SLC9A9: variants seen among roughly 807,000 people sequenced by gnomAD.
SLC9A9 encodes the protein solute carrier family 9 member A9, also known as sodium/hydrogen exchanger 9.
A neutral mutation model predicts 77.8 loss-of-function variants in SLC9A9; 62 were observed. The ratio of observed to expected loss-of-function variants is 0.80; its 90% CI spans 0.65 to 0.98. The LOEUF is 0.98. Among genes scored for constraint, SLC9A9 ranks in the 50% least tolerant of loss-of-function variants. The pLI is 0.00. For missense variants in SLC9A9, 775 were observed against 774.9 expected (o/e 1.00, Z 0.00); for synonymous variants, 320 against 283.5 (o/e 1.13, Z -1.29).
At chr3:143,490,411 AAACC>A (rs139571602) in intron 11 of SLC9A9, among the ~76,000 whole-genome samples, 67,895 of 151,672 alleles carry the variant, frequency 0.45, 16,480 homozygotes, top group Non-Finnish European at 0.54. Flanking sequence ...TAAGTGAAAT[AAACC>A]AATCACAAAA....
intron 14 of SLC9A9, among the ~76,000 whole-genome samples, chr3:143,292,855 A>G (rs539961842): frequency 1.3e-5 from 2 of 152,206 alleles, no homozygotes; most frequent in East Asian, 3.9e-4. Context: ...CGTTGATGAC[A>G]CTGTTCTGGC....
chr3:143,283,429 C>G (rs1463281490), intron 14 of SLC9A9, among the ~76,000 whole-genome samples: 3 of 152,188 alleles, frequency 2.0e-5, no homozygotes. Context: ...CTCACTCCCC[C>G]TGGAAAGCCC....
At chr3:143,420,462 T>A (rs1288882479) in intron 12 of SLC9A9, among the ~76,000 whole-genome samples, 1 of 152,160 alleles carries the variant, frequency 6.6e-6, no homozygotes, top group Non-Finnish European at 1.5e-5. Flanking sequence ...CTTGGGAATA[T>A]CAGAAAGGGT....
At chr3:143,716,382 T>G (rs979049134) in intron 4 of SLC9A9, among the ~76,000 whole-genome samples, 1 of 119,246 alleles carries the variant, frequency 8.4e-6, no homozygotes, top group African/African-American at 3.2e-5. Context: ...CTTTTTTTTA[T>G]GTCAGTATTT....
chr3:143,567,653 G>A (rs2037189438), intron 8 of SLC9A9, among the ~76,000 whole-genome samples: 1 of 152,178 alleles, frequency 6.6e-6, no homozygotes, highest in African/African-American at 2.4e-5. Context: ...AAGAGACTGA[G>A]ATGAGGTGGC....
At chr3:143,340,876 T>C (rs1166672229) in intron 14 of SLC9A9, among the ~76,000 whole-genome samples, 1 of 152,182 alleles carries the variant, frequency 6.6e-6, no homozygotes, top group African/African-American at 2.4e-5. Flanking sequence ...AAAAGAGAGA[T>C]TGGAAATCTA....
chr3:143,587,422 CAA>C (rs2037561238), intron 6 of SLC9A9, among the ~76,000 whole-genome samples: 1 of 152,224 alleles, frequency 6.6e-6, no homozygotes, highest in South Asian at 2.1e-4. Context: ...GCTTCTCTGA[CAA>C]AGATTATTAA....
At chr3:143,267,197 T>G (rs1021838962) in intron 15 of SLC9A9, among the ~76,000 whole-genome samples, 7 of 152,104 alleles carry the variant, frequency 4.6e-5, no homozygotes, top group Non-Finnish European at 8.8e-5. Flanking sequence ...CTCTTTGGGT[T>G]AAGGATGTTT....
rs138480966 is a variant in SLC9A9 at position 143,668,421 on chromosome 3, G to T, written c.650-16061C>A. Among the ~76,000 whole-genome samples, 659 of 152,104 alleles carry T rather than the reference G, an allele frequency of 4.3e-3. 4 individuals carry two copies. The highest frequency in any genetic ancestry group is 0.015 in the African/African-American group (602 of 41,504). Reference sequence around the variant, plus strand: ...GGTGCAGCACACCAACATGGCGCATGTATACATATTTAACAATCCTGCACG... The same window carrying T: ...GGTGCAGCACACCAACATGGCGCATTTATACATATTTAACAATCCTGCACG... On this transcript the variant is annotated intron_variant, in intron 5 of 15. Coordinates refer to ENST00000316549, the MANE Select transcript of SLC9A9 (RefSeq NM_173653.4).
chr3:143,582,134 CACAGTCATATTGT>C (rs1238563949), intron 6 of SLC9A9, among the ~76,000 whole-genome samples: 1 of 152,182 alleles, frequency 6.6e-6, no homozygotes, highest in Non-Finnish European at 1.5e-5. Flanking sequence ...ATTGACTATG[CACAGTCATATTGT>C]GGGTACTTTT....
At chr3:143,647,653 T>C (rs2038727279) in intron 6 of SLC9A9, among the ~76,000 whole-genome samples, 1 of 152,240 alleles carries the variant, frequency 6.6e-6, no homozygotes, top group Non-Finnish European at 1.5e-5. Context: ...AATACGCATA[T>C]ATTTTCATTT....
At chr3:143,820,916 T>C (rs933468631) in intron 2 of SLC9A9, among the ~76,000 whole-genome samples, 2 of 152,026 alleles carry the variant, frequency 1.3e-5, no homozygotes, top group African/African-American at 4.8e-5. Flanking sequence ...TATTTTTTTT[T>C]TTTTTGAGTT....
At position 143,842,602 on chromosome 3, in the gene SLC9A9, C is replaced by A. The variant is rs191246333; in HGVS notation, c.175+5546G>T. ...CTCCTAACCGTGATTACCTTTCCTG[C>A]AGATCCCTTAAAATTAAACCAGAGC... On this transcript the variant is annotated intron_variant, in intron 1 of 15. Transcript: ENST00000316549. Among the ~76,000 whole-genome samples, 10 of 152,260 alleles carry A rather than the reference C, an allele frequency of 6.6e-5. No individual in the cohort carries two copies. In the East Asian group the frequency reaches 1.5e-3, roughly 23 times the overall value.
intron 4 of SLC9A9, among the ~76,000 whole-genome samples, chr3:143,794,752 T>G (rs1217002785): frequency 1.3e-5 from 2 of 152,176 alleles, no homozygotes; most frequent in Admixed American, 1.3e-4. Flanking sequence ...TCAAGGCAAG[T>G]GATCCACATT....
At chr3:143,295,195 A>T (rs1490474886) in intron 14 of SLC9A9, among the ~76,000 whole-genome samples, 2 of 152,220 alleles carry the variant, frequency 1.3e-5, no homozygotes, top group Non-Finnish European at 2.9e-5. Flanking sequence ...CTGCACTCTT[A>T]AAAGGTAAGA....
chr3:143,322,924 AAAACAAAACAAAAC>A (rs1195355939), intron 14 of SLC9A9, among the ~76,000 whole-genome samples: 1 of 152,118 alleles, frequency 6.6e-6, no homozygotes, highest in Non-Finnish European at 1.5e-5. Flanking sequence ...CCAAAAAAAC[AAAACAAAACAAAAC>A]AAACAAAAAA....
At chr3:143,466,588 AT>A (rs1298342664) in intron 12 of SLC9A9, among the ~76,000 whole-genome samples, 2 of 152,220 alleles carry the variant, frequency 1.3e-5, no homozygotes, top group East Asian at 3.8e-4. Context: ...ATGTTTAAGC[AT>A]TTCCTATGTC....
At chr3:143,416,545 C>T (rs574023867) in intron 12 of SLC9A9, among the ~76,000 whole-genome samples, 5 of 152,082 alleles carry the variant, frequency 3.3e-5, no homozygotes, top group Non-Finnish European at 5.9e-5. Context: ...AGATGATTAG[C>T]ATTTTTTAGC....
chr3:143,439,772 G>A (rs1009286663), intron 12 of SLC9A9, among the ~76,000 whole-genome samples: 2 of 144,340 alleles, frequency 1.4e-5, no homozygotes, highest in Non-Finnish European at 3.2e-5. Flanking sequence ...GGCTCTGAGA[G>A]GAGGCTGGAG....
Sources: gnomAD v4.1 joint callset for allele counts (sites outside exome capture counted in the v4.1 genomes callset) on GRCh38, gnomAD v4.1.1 for gene constraint, MANE v1.5 for transcripts, NCBI Gene and HGNC (gene_info 2026-07-23, HGNC 2026-07-21) for gene names.